Variants in ASTN2 observed in about 807,000 individuals in gnomAD.
The protein encoded by ASTN2 is astrotactin 2, also known as astrotactin-2.
Under a neutral mutation model 139.8 loss-of-function variants are expected in ASTN2, and 54 were observed. The ratio of observed to expected loss-of-function variants is 0.39; its 90% CI spans 0.31 to 0.48. The LOEUF is 0.48. ASTN2 is among the 20% of genes least tolerant of loss of function. The pLI is 0.95. For synonymous variants in ASTN2, 756 were observed against 719.5 expected (o/e 1.05, Z -0.81); for missense variants, 1,565 against 1,725.1 (o/e 0.91, Z 1.64).
At chr9:116,738,868 C>T (rs952822024) in intron 13 of ASTN2, among the ~76,000 whole-genome samples, 3 of 152,188 alleles carry the variant, frequency 2.0e-5, no homozygotes, top group Non-Finnish European at 4.4e-5. Context: ...TGATCCCTGG[C>T]ATAGCTTGAC....
At chr9:116,921,482 G>A (rs578058585) in intron 10 of ASTN2, among the ~76,000 whole-genome samples, 82 of 151,920 alleles carry the variant, frequency 5.4e-4, no homozygotes, top group African/African-American at 1.8e-3. Context: ...CAGCTGCTCC[G>A]GAGGCTGAGG....
chr9:117,117,074 G>A (rs566325048), intron 4 of ASTN2, among the ~76,000 whole-genome samples: 70 of 152,102 alleles, frequency 4.6e-4, no homozygotes, highest in African/African-American at 1.6e-3. Context: ...GCTTAAGCAT[G>A]GGGACTGGTG....
chr9:117,192,638 G>A (rs182465789), intron 3 of ASTN2, among the ~76,000 whole-genome samples: 23 of 152,314 alleles, frequency 1.5e-4, no homozygotes, highest in African/African-American at 5.5e-4. Flanking sequence ...CTTCCAAAGA[G>A]TAGTTCATGA....
intron 11 of ASTN2, among the ~76,000 whole-genome samples, chr9:116,828,019 G>C (rs920272208): frequency 6.6e-6 from 1 of 152,164 alleles, no homozygotes; most frequent in African/African-American, 2.4e-5. Context: ...GCAAAAGGCC[G>C]GGCACAGTGG....
intron 11 of ASTN2, among the ~76,000 whole-genome samples, chr9:116,858,973 T>A (rs1158832559): frequency 6.6e-6 from 1 of 152,146 alleles, no homozygotes; most frequent in Non-Finnish European, 1.5e-5. Flanking sequence ...GGGCTAAAAT[T>A]TAGGTGTTGG....
chr9:117,216,814 G>T (rs1832337472), intron 2 of ASTN2, among the ~76,000 whole-genome samples: 1 of 152,042 alleles, frequency 6.6e-6, no homozygotes, highest in African/African-American at 2.4e-5. Flanking sequence ...GAGAGGAAAG[G>T]GCTGGGGGCA....
intron 1 of ASTN2, among the ~76,000 whole-genome samples, chr9:117,365,993 A>C (rs1332126468): frequency 6.6e-6 from 1 of 152,144 alleles, no homozygotes; most frequent in Non-Finnish European, 1.5e-5. Context: ...TGCGCTCCTG[A>C]CACATTACAT....
chr9:117,403,927 G>C (rs1588017382), intron 1 of ASTN2, among the ~76,000 whole-genome samples: 1 of 152,256 alleles, frequency 6.6e-6, no homozygotes, highest in East Asian at 1.9e-4. Flanking sequence ...GGGAGGAGGG[G>C]AGGTGGAGAG....
intron 19 of ASTN2, among the ~76,000 whole-genome samples, chr9:116,590,318 C>A (rs1161282967): frequency 2.6e-5 from 4 of 152,246 alleles, no homozygotes; most frequent in African/African-American, 9.6e-5. Context: ...CTTCAAGCAG[C>A]CCCTCCAATT....
chr9:116,826,964 G>A (rs1831647712), intron 11 of ASTN2, among the ~76,000 whole-genome samples: 1 of 152,102 alleles, frequency 6.6e-6, no homozygotes, highest in Non-Finnish European at 1.5e-5. Context: ...AGCATTAAAT[G>A]CCTACATCAA....
chr9:117,323,510 T>C (rs905868421), intron 1 of ASTN2, among the ~76,000 whole-genome samples: 2 of 152,086 alleles, frequency 1.3e-5, no homozygotes, highest in South Asian at 4.1e-4. Flanking sequence ...CTTCCCAATA[T>C]CTCTGGCAAT....
At chr9:116,600,986 C>A (rs1275793631) in intron 19 of ASTN2, among the ~76,000 whole-genome samples, 1 of 152,202 alleles carries the variant, frequency 6.6e-6, no homozygotes, top group East Asian at 1.9e-4. Context: ...AATATAACAA[C>A]ACTTTGGAGA....
chr9:116,436,846 T>A (rs985674335), intron 22 of ASTN2, among the ~76,000 whole-genome samples: 3 of 151,886 alleles, frequency 2.0e-5, no homozygotes, highest in African/African-American at 7.3e-5. Context: ...TAAGAAAATG[T>A]GGCACATATA....
At chr9:117,297,676 C>A (rs1834770159) in intron 1 of ASTN2, among the ~76,000 whole-genome samples, 1 of 152,140 alleles carries the variant, frequency 6.6e-6, no homozygotes, top group South Asian at 2.1e-4. Flanking sequence ...CCTGAAGGGG[C>A]AAGGGATGGT....
At chr9:117,230,191 A>C (rs1468601018) in intron 2 of ASTN2, among the ~76,000 whole-genome samples, 1 of 151,424 alleles carries the variant, frequency 6.6e-6, no homozygotes, top group Non-Finnish European at 1.5e-5. Flanking sequence ...GGCTGAAAAA[A>C]AAAAAATCAC....
At position 116,768,378 on chromosome 9, in the gene ASTN2, T is replaced by G. The variant is rs151036456; in HGVS notation, c.2397-34855A>C. Reference sequence around the variant, plus strand: ...TATGACACAGAGGACCAAACTCTCCTTAAGAAGCATGTTCTCCTGGAGATC... The same window carrying G: ...TATGACACAGAGGACCAAACTCTCCGTAAGAAGCATGTTCTCCTGGAGATC... On this transcript the variant is annotated intron_variant, in intron 13 of 22. Coordinates refer to ENST00000313400, the MANE Select transcript of ASTN2 (RefSeq NM_001365068.1). Among the ~76,000 whole-genome samples the G allele has an allele frequency of 5.4e-3, 821 of 152,306 alleles. 9 individuals carry two copies. The highest frequency in any genetic ancestry group is 0.018 in the African/African-American group (752 of 41,568).
chr9:116,790,991 G>C, intron 13 of ASTN2, among the ~76,000 whole-genome samples: 1 of 110,776 alleles, frequency 9.0e-6, no homozygotes, highest in Non-Finnish European at 1.8e-5. Flanking sequence ...AAGAAAGAAA[G>C]AAAGAAAGAA....
intron 19 of ASTN2, among the ~76,000 whole-genome samples, chr9:116,519,461 T>C (rs1467220261): frequency 6.6e-6 from 1 of 151,934 alleles, no homozygotes; most frequent in Non-Finnish European, 1.5e-5. Context: ...TTGAACTGAA[T>C]GATAATATTG....
Position 116,670,379 on chromosome 9 carries a change from A to G in ASTN2, c.2807-18586T>C, listed in dbSNP as rs768399538. On this transcript the variant is annotated intron_variant, in intron 16 of 22. Transcript: ENST00000313400. The stretch of plus-strand genomic sequence containing the variant: ...CAGGAGGTAGAAGGGCTGGTCAAGT[A>G]TGACTGAGTGGCTGGGCCAGGGGAT... 6.4e-4 allele frequency among the ~76,000 whole-genome samples: 98 copies of G among 151,996 alleles called. 3 individuals carry two copies. Among genetic ancestry groups the G allele is most frequent in the Admixed American group, 1.3e-4 (2 of 15,268 alleles).
Sources: gnomAD v4.1 joint callset for allele counts (sites outside exome capture counted in the v4.1 genomes callset) on GRCh38, gnomAD v4.1.1 for gene constraint, MANE v1.5 for transcripts, NCBI Gene and HGNC (gene_info 2026-07-23, HGNC 2026-07-21) for gene names.